ATP7B: variants seen among roughly 807,000 people sequenced by gnomAD.
ATP7B encodes the protein copper-transporting ATPase 2.
In ATP7B, 113 loss-of-function variants were observed where a neutral mutation model predicts 118.9. That is an observed-to-expected ratio of 0.95 (90% CI 0.82 to 1.11). The LOEUF (loss-of-function observed/expected upper bound fraction) is 1.11. Among genes scored for constraint, ATP7B ranks in the 50% most tolerant of loss-of-function variants. ATP7B has a pLI of 0.00. For missense variants in ATP7B, 1,867 were observed against 1,871.4 expected, an observed-to-expected ratio of 1.00 and a Z score of 0.04; for synonymous variants, 777 against 727.4, an observed-to-expected ratio of 1.07 and a Z score of -1.10.
intron 1 of ATP7B, among the ~76,000 whole-genome samples, chr13:51,998,393 T>C (rs1953323184): frequency 6.6e-6 from 1 of 152,236 alleles, no homozygotes; most frequent in Non-Finnish European, 1.5e-5. Context: ...TAAATAAGTA[T>C]ATTTAAGCAG....
chr13:51,959,472 G>C (rs889806863), intron 7 of ATP7B: 1 of 135,380 alleles, frequency 7.4e-6, no homozygotes, highest in Admixed American at 8.4e-5. Flanking sequence ...TCACATCACT[G>C]AACTCCAGCC....
chr13:51,992,094 C>T (rs1183755964), intron 1 of ATP7B, among the ~76,000 whole-genome samples: 1 of 147,738 alleles, frequency 6.8e-6, no homozygotes, highest in Non-Finnish European at 1.5e-5. Context: ...TTTCATTCTA[C>T]ATTGTACAGA....
chr13:51,970,598 TG>T lies in ATP7B; in HGVS notation c.1436del (p.Pro479HisfsTer19). 6.2e-7 allele frequency: 1 copy of T among 1,614,100 alleles called. No homozygotes were observed. Among genetic ancestry groups the T allele is most frequent in the African/African-American group, 1.3e-5 (1 of 75,016 alleles). On this transcript the variant is annotated frameshift_variant, in exon 3 of 21. Transcript: ENST00000242839. LOFTEE classifies it high-confidence loss of function. Reference sequence around the variant, plus strand: ...GCGGTGCCACTGCTCTGGTTGATTGTGGGGACTTTGCCAAGATGTCCGGGGC... The same window carrying T: ...GCGGTGCCACTGCTCTGGTTGATTGTGGGACTTTGCCAAGATGTCCGGGGC... ...NHAPDILAKSPQSTRAVAPQK... is the reference protein window; with the variant it reads ...NHAPDILAKSXQSTRAVAPQK...
At chr13:51,945,278 C>G (rs1460818016) in intron 13 of ATP7B, among the ~76,000 whole-genome samples, 1 of 152,194 alleles carries the variant, frequency 6.6e-6, no homozygotes, top group Non-Finnish European at 1.5e-5. Flanking sequence ...TCTGGCCCCT[C>G]CCTCAACGGC....
At chr13:51,957,634 A>G in intron 8 of ATP7B, 27 bp from the exon 9 acceptor site, 1 of 1,606,092 alleles carries the variant, frequency 6.2e-7, no homozygotes, top group Non-Finnish European at 8.5e-7. Flanking sequence ...ATGTGAAATG[A>G]GAGCTATCGA....
chr13:52,002,859 C>G (rs1041002623), intron 1 of ATP7B, among the ~76,000 whole-genome samples: 1 of 152,138 alleles, frequency 6.6e-6, no homozygotes, highest in Non-Finnish European at 1.5e-5. Context: ...TAAAAAAATA[C>G]ATATACTTTA....
chr13:51,936,397 G>T (rs1456922084), intron 19 of ATP7B, among the ~76,000 whole-genome samples: 2 of 150,936 alleles, frequency 1.3e-5, no homozygotes, highest in Non-Finnish European at 3.0e-5. Flanking sequence ...CTCAGCCCAT[G>T]GAGGAGCACT....
rs137966332 is a variant in ATP7B at position 51,975,604 on chromosome 13, T to C, written c.52-436A>G. On this transcript the variant is annotated intron_variant, in intron 1 of 20. Coordinates refer to ENST00000242839, the MANE Select transcript of ATP7B (RefSeq NM_000053.4). ...GAACTTAGTCCTTTCAGCTCAAACT[T>C]TGGGGGTCCTGCTGAAATACAAACC... 2.1e-3 allele frequency: 1,068 copies of C among 507,126 alleles called. 8 individuals are homozygous for C. The Middle Eastern group carries it at 0.032, about 15-fold the overall frequency. The allele number at this position is 507,126 out of a possible 1,614,324, so 31.4% of individuals were successfully genotyped here. A position where few individuals can be genotyped will look rare whatever the true frequency, so the allele number is the denominator to read the frequency against.
Position 51,942,503 on chromosome 13 carries a change from C to A in ATP7B, c.3295G>T (p.Gly1099Cys). The change falls in exon 15 of 21, where the codon GGC (glycine) becomes TGC (cysteine). Residue 1099 changes from glycine (G) to cysteine (C), a missense_variant. Physicochemically the swap from Gly to Cys is radical, Grantham distance 159. Coordinates refer to ENST00000242839, the MANE Select transcript of ATP7B (RefSeq NM_000053.4). ...CTGACTTTGCACCCAATTCCACAGC[C>A]TGGCACTGCCTGGAAGTCCGTGCAG... ...GYCTDFQAVP[G>C]CGIGCKVSNV... 6.2e-7 allele frequency: 1 copy of A among 1,614,242 alleles called. No individual in the cohort carries two copies. Among genetic ancestry groups the A allele is most frequent in the Middle Eastern group, 1.7e-4 (1 of 6,060 alleles).
chr13:51,943,519 G>A (rs1957465575), intron 14 of ATP7B, among the ~76,000 whole-genome samples: 1 of 152,212 alleles, frequency 6.6e-6, no homozygotes, highest in Non-Finnish European at 1.5e-5. Flanking sequence ...CTGTTTAAAA[G>A]TTGTCAGGGC....
At chr13:51,999,307 G>A (rs2140488698) in intron 1 of ATP7B, among the ~76,000 whole-genome samples, 1 of 152,270 alleles carries the variant, frequency 6.6e-6, no homozygotes, top group Non-Finnish European at 1.5e-5. Flanking sequence ...GGACTGGTGG[G>A]CTTTAACAGA....
chr13:52,000,823 A>G (rs1261489490), intron 1 of ATP7B, among the ~76,000 whole-genome samples: 1 of 152,118 alleles, frequency 6.6e-6, no homozygotes, highest in African/African-American at 2.4e-5. Context: ...ATGTTTCAGA[A>G]CAGCTTGGGC....
At chr13:51,944,087 G>A (rs1444619845) in intron 14 of ATP7B, 22 bp downstream of exon 14, 3 of 1,613,776 alleles carry the variant, frequency 1.9e-6, no homozygotes, top group Admixed American at 3.3e-5. Context: ...GGGAGGGCAG[G>A]GCCACGCCCA....
intron 1 of ATP7B, among the ~76,000 whole-genome samples, chr13:51,984,547 T>C (rs1391038997): frequency 6.6e-6 from 1 of 151,968 alleles, no homozygotes; most frequent in Non-Finnish European, 1.5e-5. Flanking sequence ...AACATTCAAA[T>C]TCAGGAAATA....
At chr13:52,002,983 C>A (rs1936326614) in intron 1 of ATP7B, among the ~76,000 whole-genome samples, 2 of 152,192 alleles carry the variant, frequency 1.3e-5, no homozygotes, top group African/African-American at 4.8e-5. Flanking sequence ...TTGCTCTGGA[C>A]TAGGCTTTGG....
chr13:51,941,286 T>C (rs914248214), intron 15 of ATP7B, 62 bp from the exon 16 acceptor site: 9 of 1,592,058 alleles, frequency 5.7e-6, no homozygotes, highest in Non-Finnish European at 7.8e-6. Flanking sequence ...CTAAAAACCA[T>C]GCAATCCTTT....
rs1057517444 is a variant in ATP7B, at chr13:51,970,691, AGTTT to A, written c.1340_1343del (p.Gln447LeufsTer50). ...GCACAGATGTAGGTGTACCATCTGT[AGTTT>A]GCACCATGGAATTCCCAGCACTGTG... On this transcript the variant is annotated frameshift_variant, in exon 3 of 21. Coordinates refer to ENST00000242839, the MANE Select transcript of ATP7B (RefSeq NM_000053.4). LOFTEE classifies it high-confidence loss of function. 4 of 1,614,086 alleles carry A rather than the reference AGTTT, an allele frequency of 2.5e-6. No homozygotes were observed. The highest frequency in any genetic ancestry group is 3.4e-6 in the Non-Finnish European group (4 of 1,179,950).
At chr13:51,943,122 G>C (rs1441630494) in intron 14 of ATP7B, among the ~76,000 whole-genome samples, 1 of 152,152 alleles carries the variant, frequency 6.6e-6, no homozygotes, top group Non-Finnish European at 1.5e-5. Flanking sequence ...GCTCCCAAAG[G>C]GTAGAGTTCA....
At chr13:51,937,730 C>T (rs751635474) in intron 17 of ATP7B, 51 bp from the exon 18 acceptor site, 12 of 1,593,350 alleles carry the variant, frequency 7.5e-6, no homozygotes, top group South Asian at 1.1e-5. Flanking sequence ...TATCAGATAG[C>T]AGCAGAAACC....
Sources: allele counts gnomAD v4.1 joint callset (sites outside exome capture counted in the v4.1 genomes callset), GRCh38; gene constraint gnomAD v4.1.1; transcripts MANE v1.5; gene names NCBI Gene and HGNC (gene_info 2026-07-23, HGNC 2026-07-21).